Variants in THUMPD2 observed in about 807,000 individuals in gnomAD.
THUMPD2 encodes the protein U6 snRNA (guanine-N(2))-methyltransferase THUMPD2.
A neutral mutation model predicts 49.4 loss-of-function variants in THUMPD2; 56 were observed. The observed-to-expected ratio is 1.13, with a 90% confidence interval of 0.91 to 1.41. THUMPD2 has a LOEUF of 1.41. Ranked by LOEUF, THUMPD2 falls within the 40% of genes most tolerant of loss-of-function variation. The probability of loss-of-function intolerance (pLI) is 0.00; values close to 1 mark genes in which losing one functional copy is unlikely to be tolerated. For missense variants in THUMPD2, 709 were observed against 594.5 expected, an observed-to-expected ratio of 1.19 and a Z score of -2.00; for synonymous variants, 237 against 205.2, an observed-to-expected ratio of 1.15 and a Z score of -1.32.
intron 9 of THUMPD2, among the ~76,000 whole-genome samples, chr2:39,737,904 C>T (rs1673337108): frequency 6.6e-6 from 1 of 151,398 alleles, no homozygotes; most frequent in South Asian, 2.1e-4. Context: ...TGAGTCACAG[C>T]GGGTGGGAAG....
chr2:39,738,944 T>G (rs946773969), intron 9 of THUMPD2, among the ~76,000 whole-genome samples: 8 of 152,068 alleles, frequency 5.3e-5, no homozygotes, highest in African/African-American at 1.9e-4. Context: ...GGAATCTGCC[T>G]CATGCCCAGC....
chr2:39,751,835 G>A (rs1172577516), intron 8 of THUMPD2, among the ~76,000 whole-genome samples: 3 of 151,802 alleles, frequency 2.0e-5, no homozygotes, highest in African/African-American at 7.3e-5. Flanking sequence ...CAGCCACTAC[G>A]CCTGGCTAAT....
Position 39,757,674 on chromosome 2 carries a change from C to A in THUMPD2, c.892-1714G>T, listed in dbSNP as rs539533591. On this transcript the variant is annotated intron_variant, in intron 6 of 9. Coordinates refer to ENST00000505747, the MANE Select transcript of THUMPD2 (RefSeq NM_025264.5). ...TTTCTTGCCATGACACTTGTAGACACAGGCTGAGGTAGAGATGTATTTCTG... is the reference window on the plus strand; with the variant it reads ...TTTCTTGCCATGACACTTGTAGACAAAGGCTGAGGTAGAGATGTATTTCTG... 1.0e-3 allele frequency among the ~76,000 whole-genome samples: 155 copies of A among 152,268 alleles called. 1 individual carries two copies. Among genetic ancestry groups the A allele is most frequent in the African/African-American group, 3.4e-3 (142 of 41,552 alleles).
At chr2:39,741,599 A>G (rs955298783) in intron 9 of THUMPD2, among the ~76,000 whole-genome samples, 8 of 152,188 alleles carry the variant, frequency 5.3e-5, no homozygotes, top group African/African-American at 1.7e-4. Context: ...ATTCCTGACA[A>G]TGCTCTGTAC....
chr2:39,757,802 C>T (rs1371673188), intron 6 of THUMPD2, among the ~76,000 whole-genome samples: 1 of 152,042 alleles, frequency 6.6e-6, no homozygotes, highest in Non-Finnish European at 1.5e-5. Flanking sequence ...AACAAACATC[C>T]CATTTTTAAA....
intron 5 of THUMPD2, among the ~76,000 whole-genome samples, chr2:39,762,913 A>T (rs541109756): frequency 1.3e-5 from 2 of 152,072 alleles, no homozygotes; most frequent in Admixed American, 1.3e-4. Context: ...TTCTGCTAAT[A>T]GAAGTTTTTG....
Position 39,736,928 on chromosome 2 carries a change from T to A in THUMPD2, c.1319A>T (p.Lys440Met). Reference protein sequence around the residue: ...DSHTDEPGIKKCLNPEEKTGA... With the variant: ...DSHTDEPGIKMCLNPEEKTGA... ...AGTTTTTTCTTCAGGATTCAAGCAC[T>A]TTTTAATTCCAGGTTCATCTGTGTG... is the stretch of plus-strand genomic sequence containing the variant. Residue 440 changes from lysine to methionine, a missense_variant, in exon 10 of 10, where the codon AAG becomes ATG. Lys to Met is a moderately conservative substitution (Grantham distance 95). Coordinates refer to ENST00000505747, the MANE Select transcript of THUMPD2 (RefSeq NM_025264.5). The A allele has an allele frequency of 6.2e-7, 1 of 1,614,196 alleles. No homozygotes were observed. Among genetic ancestry groups the A allele is most frequent in the Non-Finnish European group, 8.5e-7 (1 of 1,180,016 alleles).
chr2:39,776,164 AT>A (rs1206170629), intron 1 of THUMPD2, among the ~76,000 whole-genome samples: 1 of 152,190 alleles, frequency 6.6e-6, no homozygotes, highest in Non-Finnish European at 1.5e-5. Context: ...TTTTCTCAAT[AT>A]ATTACTTTCT....
At chr2:39,771,705 C>T in intron 1 of THUMPD2, 65 bp from the exon 2 acceptor site, 1 of 1,450,422 alleles carries the variant, frequency 6.9e-7, no homozygotes, top group Non-Finnish European at 9.4e-7. Context: ...TTTTTTCCCT[C>T]AAGATATAGC....
chr2:39,774,087 T>C (rs1453764743), intron 1 of THUMPD2, among the ~76,000 whole-genome samples: 1 of 152,236 alleles, frequency 6.6e-6, no homozygotes, highest in African/African-American at 2.4e-5. Flanking sequence ...GTTTACGTGG[T>C]CCCAGTGCAA....
At chr2:39,750,736 T>G (rs1675291518) in intron 8 of THUMPD2, among the ~76,000 whole-genome samples, 1 of 152,110 alleles carries the variant, frequency 6.6e-6, no homozygotes, top group African/African-American at 2.4e-5. Flanking sequence ...GTTTAAGAAC[T>G]ACTGAGTTTT....
At chr2:39,771,787 G>C in intron 1 of THUMPD2, 147 bp from the exon 2 acceptor site, 1 of 821,622 alleles carries the variant, frequency 1.2e-6, no homozygotes, top group South Asian at 1.8e-5. Context: ...TAGGAACACT[G>C]AATAAGTATT....
chr2:39,756,362 A>G (rs1676119960), intron 6 of THUMPD2, among the ~76,000 whole-genome samples: 1 of 152,036 alleles, frequency 6.6e-6, no homozygotes, highest in Non-Finnish European at 1.5e-5. Context: ...TTTAAGTCAA[A>G]TAAGAAGGAA....
At chr2:39,739,388 C>T (rs781151308) in intron 9 of THUMPD2, among the ~76,000 whole-genome samples, 9 of 152,178 alleles carry the variant, frequency 5.9e-5, no homozygotes, top group Non-Finnish European at 7.4e-5. Flanking sequence ...TCATTCTTAT[C>T]ACTCACGCCC....
At chr2:39,775,757 T>C (rs1222888400) in intron 1 of THUMPD2, among the ~76,000 whole-genome samples, 1 of 83,128 alleles carries the variant, frequency 1.2e-5, no homozygotes, top group East Asian at 3.5e-4. Flanking sequence ...AGTAACACTA[T>C]GTCAAAAAAA....
At chr2:39,774,174 G>C (rs560613735) in intron 1 of THUMPD2, among the ~76,000 whole-genome samples, 1 of 152,354 alleles carries the variant, frequency 6.6e-6, no homozygotes, top group African/African-American at 2.4e-5. Context: ...CTTGTGCCCT[G>C]AGCTGCCAAG....
Position 39,779,189 on chromosome 2 carries a change from T to A in THUMPD2, c.51A>T (p.Arg17=). The change falls in exon 1 of 10, where the codon CGA becomes CGT. Residue 17 remains arginine (R), a synonymous_variant. Coordinates refer to ENST00000505747, the MANE Select transcript of THUMPD2 (RefSeq NM_025264.5). ...EPGSGPEAGA[R]FFCTAGRGLE... ...GGCCGCGACCCGCAGTGCAGAAGAA[T>A]CGGGCGCCAGCCTCAGGCCCGGACC... 6.6e-7 allele frequency: 1 copy of A among 1,518,202 alleles called. No individual in the cohort carries two copies. Among genetic ancestry groups the A allele is most frequent in the Non-Finnish European group, 8.8e-7 (1 of 1,138,576 alleles). The allele number at this position is 1,518,202 out of a possible 1,614,324, so 94.0% of individuals were successfully genotyped here. A position where few individuals can be genotyped will look rare whatever the true frequency, so the allele number is the denominator to read the frequency against.
intron 6 of THUMPD2, 97 bp from the exon 7 acceptor site, chr2:39,756,057 A>G (rs1676076549): frequency 8.6e-7 from 1 of 1,167,228 alleles, no homozygotes; most frequent in East Asian, 2.5e-5. Context: ...TCAAGAGGAA[A>G]GATTACATTT....
chr2:39,744,536 ATAAT>A, intron 8 of THUMPD2, 58 bp from the exon 9 acceptor site: 1 of 1,119,974 alleles, frequency 8.9e-7, no homozygotes, highest in Non-Finnish European at 1.3e-6. Context: ...TACAACTTAA[ATAAT>A]GAGAAAATTG....
Sources: allele counts gnomAD v4.1 joint callset (sites outside exome capture counted in the v4.1 genomes callset), GRCh38; gene constraint gnomAD v4.1.1; transcripts MANE v1.5; gene names NCBI Gene and HGNC (gene_info 2026-07-23, HGNC 2026-07-21).